Variants in MTA1 observed in about 807,000 individuals in gnomAD.
The protein encoded by MTA1 is metastasis associated 1.
A neutral mutation model predicts 97.0 loss-of-function variants in MTA1; 15 were observed. The ratio of observed to expected loss-of-function variants is 0.15; its 90% confidence interval spans 0.10 to 0.24. MTA1 has a LOEUF of 0.24. Ranked by LOEUF, MTA1 falls within the 10% of genes least tolerant of loss-of-function variation. The pLI, the probability that MTA1 is intolerant of heterozygous loss-of-function variation, is 1.00. For synonymous variants in MTA1, 435 were observed against 417.5 expected, an observed-to-expected ratio of 1.04 and a Z score of -0.51; for missense variants, 709 against 1,015.1, an observed-to-expected ratio of 0.70 and a Z score of 4.10.
At chr14:105,421,868 C>G (rs1277443059) in intron 1 of MTA1, among the ~76,000 whole-genome samples, 3 of 152,278 alleles carry the variant, frequency 2.0e-5, no homozygotes, top group Non-Finnish European at 4.4e-5. Flanking sequence ...CCCCCTGTGC[C>G]CGCAGGCCCG....
intron 1 of MTA1, among the ~76,000 whole-genome samples, chr14:105,438,011 G>A (rs917770360): frequency 4.6e-5 from 7 of 152,346 alleles, no homozygotes; most frequent in South Asian, 2.1e-4. Context: ...CCTGATGGCC[G>A]ATCTTGGGGC....
Position 105,460,914 on chromosome 14 carries a change from A to G in MTA1, c.903A>G (p.Glu301=). The stretch of plus-strand genomic sequence containing the variant: ...CCAACCTTTTCGAGGAAGCCCTGGA[A>G]AAATATGGGAAGGATTTCACGGACA... ...SEANLFEEAL[E]KYGKDFTDIQ... The change falls in exon 10 of 21, where the codon GAA becomes GAG. Residue 301 remains glutamate (E), a synonymous_variant. Transcript: ENST00000331320. The G allele has an allele frequency of 6.2e-7, 1 of 1,612,566 alleles. No homozygotes were observed. The highest frequency in any genetic ancestry group is 8.5e-7 in the Non-Finnish European group (1 of 1,179,600).
chr14:105,469,790 A>G, intron 19 of MTA1, 51 bp from the exon 20 acceptor site: 1 of 1,304,866 alleles, frequency 7.7e-7, no homozygotes, highest in Non-Finnish European at 1.0e-6. Context: ...CTGCAGGTTG[A>G]GGTGGAGCTG....
rs943297370 is a variant in MTA1 at position 105,454,216 on chromosome 14, C to T, written c.456C>T (p.Val152=). The T allele has an allele frequency of 1.1e-5, 17 of 1,613,082 alleles. No homozygotes were observed. Among genetic ancestry groups the T allele is most frequent in the Non-Finnish European group, 1.4e-5 (17 of 1,179,392 alleles). ...AGGATTTCTTCTTCTATTCTCTAGTCTACGACCCACAGCAGAAGACCCTGC... is the reference window on the plus strand; with the variant it reads ...AGGATTTCTTCTTCTATTCTCTAGTTTACGACCCACAGCAGAAGACCCTGC... ...EREDFFFYSL[V]YDPQQKTLLA... Residue 152 remains valine, a synonymous_variant, in exon 7 of 21, where the codon GTC becomes GTT. Coordinates refer to ENST00000331320, the MANE Select transcript of MTA1 (RefSeq NM_004689.4).
intron 6 of MTA1, among the ~76,000 whole-genome samples, chr14:105,452,297 A>G (rs973072444): frequency 3.9e-5 from 6 of 152,270 alleles, no homozygotes; most frequent in African/African-American, 1.4e-4. Flanking sequence ...GCAAGAGTGC[A>G]GAAACAGCAC....
chr14:105,438,553 G>A, intron 1 of MTA1, 119 bp from the exon 2 acceptor site: 1 of 836,792 alleles, frequency 1.2e-6, no homozygotes, highest in Admixed American at 1.8e-5. Context: ...TCGCCTGAGG[G>A]AGCAGAGGTG....
Position 105,420,639 on chromosome 14 carries a change from C to T in MTA1, c.28+576C>T, listed in dbSNP as rs1387701393. Among the ~76,000 whole-genome samples, 1 of 152,168 alleles carries T rather than the reference C, an allele frequency of 6.6e-6. No homozygotes were observed. Among genetic ancestry groups the T allele is most frequent in the African/African-American group, 2.4e-5 (1 of 41,452 alleles). On this transcript the variant is annotated intron_variant, in intron 1 of 20. Transcript: ENST00000331320. The surrounding 1 kb of genome is among the most constrained non-coding windows in gnomAD (Gnocchi z 5.3). ...GAGCATCCCGAGCACGCCTCTAAGT[C>T]CCCCCAAACTTTTCCCTGCCTCTCG...
At chr14:105,461,115 C>T (rs938830025) in intron 10 of MTA1, among the ~76,000 whole-genome samples, 162 bp downstream of exon 10, 14 of 152,248 alleles carry the variant, frequency 9.2e-5, no homozygotes, top group African/African-American at 3.1e-4. Flanking sequence ...TGCGCTCGGC[C>T]GCCATAGTCC....
intron 1 of MTA1, among the ~76,000 whole-genome samples, chr14:105,431,887 A>G (rs192858335): frequency 7.2e-5 from 11 of 152,176 alleles, no homozygotes; most frequent in Admixed American, 1.3e-4. Context: ...CAGCCTCCCA[A>G]AGTGCTGGGA....
At chr14:105,458,229 G>A (rs368424858) in intron 7 of MTA1, 41 bp from the exon 8 acceptor site, 74 of 1,580,328 alleles carry the variant, frequency 4.7e-5, no homozygotes, top group East Asian at 2.7e-4. Flanking sequence ...CCGGCGCGCC[G>A]TGGGACCCCG....
At position 105,470,276 on chromosome 14, in the gene MTA1, C is replaced by G. The variant is rs1228778766; in HGVS notation, c.*61C>G. 3.7e-5 allele frequency: 49 copies of G among 1,337,552 alleles called. No homozygotes were observed. The highest frequency in any genetic ancestry group is 4.7e-5 in the Non-Finnish European group (49 of 1,039,450). 82.9% of individuals were successfully genotyped at this position (1,337,552 alleles called of 1,614,324 possible). ...GCCCGCCCACACGGCCCCTTCCCAG[C>G]CAGCCCGCCGCCCGCCCCTCAGTTT... On this transcript the variant is annotated 3_prime_UTR_variant, in exon 21 of 21. Coordinates refer to ENST00000331320, the MANE Select transcript of MTA1 (RefSeq NM_004689.4).
intron 6 of MTA1, among the ~76,000 whole-genome samples, chr14:105,451,505 G>C (rs782777485): frequency 6.6e-6 from 1 of 152,246 alleles, no homozygotes; most frequent in African/African-American, 2.4e-5. Flanking sequence ...TGTGGGGGTC[G>C]CTGTGAAGGC....
At chr14:105,446,106 G>C (rs1282688689) in intron 3 of MTA1, among the ~76,000 whole-genome samples, 1 of 152,204 alleles carries the variant, frequency 6.6e-6, no homozygotes, top group African/African-American at 2.4e-5. Flanking sequence ...GGTGCTCGCA[G>C]GTGGTGGAGT....
chr14:105,460,996 C>T, intron 10 of MTA1, 43 bp downstream of exon 10: 2 of 1,575,264 alleles, frequency 1.3e-6, no homozygotes, highest in Non-Finnish European at 1.7e-6. Context: ...TGGCCATGCC[C>T]ATCTCCAGGT....
At chr14:105,462,143 T>C (rs10139866) in intron 10 of MTA1, among the ~76,000 whole-genome samples, 1,050 of 4,434 alleles carry the variant, frequency 0.24, 5 homozygotes, top group Middle Eastern at 0.33. Context: ...CGGGGCCCTG[T>C]CCAGGTGCGG....
At chr14:105,441,519 A>G (rs116024141) in intron 2 of MTA1, among the ~76,000 whole-genome samples, 7,752 of 152,274 alleles carry the variant, frequency 0.051, 669 homozygotes, top group African/African-American at 0.18. Flanking sequence ...CAGAGGCTGG[A>G]CGCAGGGGCT....
chr14:105,440,378 G>A (rs2082469873), intron 2 of MTA1, among the ~76,000 whole-genome samples: 1 of 152,216 alleles, frequency 6.6e-6, no homozygotes. Context: ...GGGGCGGCCG[G>A]CAGATGGCAC....
Position 105,469,224 on chromosome 14 carries a change from C to T in MTA1, c.1814-243C>T, listed in dbSNP as rs1332622825. 2.3e-5 allele frequency: 14 copies of T among 610,980 alleles called. No individual in the cohort carries two copies. The East Asian group carries it at 3.2e-4, about 14-fold the overall frequency. The allele number at this position is 610,980 out of a possible 1,614,324, so 37.8% of individuals were successfully genotyped here. A position where few individuals can be genotyped will look rare whatever the true frequency, so the allele number is the denominator to read the frequency against. ...TGACTGTCGGGTCCAAGGCTCCTGGCCTCCTGCCTGGAGCCCAAGCCAATG... is the reference window on the plus strand; with the variant it reads ...TGACTGTCGGGTCCAAGGCTCCTGGTCTCCTGCCTGGAGCCCAAGCCAATG... On this transcript the variant is annotated intron_variant, in intron 18 of 20. Transcript: ENST00000331320.
At position 105,464,677 on chromosome 14, in the gene MTA1, C is replaced by T; in HGVS notation, c.1348C>T (p.Pro450Ser). 6.2e-7 allele frequency: 1 copy of T among 1,602,566 alleles called. No homozygotes were observed. The highest frequency in any genetic ancestry group is 8.5e-7 in the Non-Finnish European group (1 of 1,172,516). Residue 450 changes from proline to serine, a missense_variant, in exon 15 of 21, where the codon CCC (proline) becomes TCC (serine). By Grantham distance (74) the Pro-to-Ser change is moderately conservative (BLOSUM62 -1). This residue lies in a region of MTA1 where 388 missense variants were observed against 421.6 expected (regional missense o/e 0.92). Transcript: ENST00000331320. The part of the protein sequence containing the change: ...RPGPNRSNMS[P>S]HGLPARSSGS... ...GCGGTTGCGCCCCCTTCCGCAGAGT[C>T]CCCACGGCCTCCCAGCCCGGAGCAG...
Sources: allele counts gnomAD v4.1 joint callset (sites outside exome capture counted in the v4.1 genomes callset), GRCh38; gene constraint gnomAD v4.1.1; regional missense constraint gnomAD v4.1.1; non-coding constraint Gnocchi (gnomAD v3.1); transcripts MANE v1.5; gene names NCBI Gene and HGNC (gene_info 2026-07-23, HGNC 2026-07-21).